Variants in SCN9A observed in about 807,000 individuals in gnomAD.
The protein encoded by SCN9A is sodium channel protein type 9 subunit alpha.
In SCN9A, 131 loss-of-function variants were observed where a neutral mutation model predicts 187.0. That is an observed-to-expected ratio of 0.70 (90% CI 0.61 to 0.81). The LOEUF is 0.81. SCN9A is among the 30% of genes least tolerant of loss of function. SCN9A has a pLI of 0.00. For synonymous variants in SCN9A, 809 were observed against 808.6 expected (o/e 1.00, Z -0.01); for missense variants, 2,252 against 2,396.6 (o/e 0.94, Z 1.26).
intron 7 of SCN9A, 134 bp from the exon 8 acceptor site, chr2:166,294,796 T>C: frequency 1.9e-6 from 1 of 514,034 alleles, no homozygotes; most frequent in Non-Finnish European, 3.5e-6. Flanking sequence ...CATCCATTTA[T>C]TTACTATTTT....
chr2:166,304,192 G>T, intron 6 of SCN9A, 46 bp downstream of exon 6: 1 of 1,607,504 alleles, frequency 6.2e-7, no homozygotes, highest in Non-Finnish European at 8.5e-7. Context: ...CTCCCAAATA[G>T]TTGGAGTTAT....
At chr2:166,240,775 C>T (rs1314711133) in intron 19 of SCN9A, among the ~76,000 whole-genome samples, 1 of 152,104 alleles carries the variant, frequency 6.6e-6, no homozygotes. Flanking sequence ...CCAGGCTCTG[C>T]CTGCTCCTTA....
In SCN9A at chr2:166,272,094, A is replaced by T. The variant is rs574589793; in HGVS notation, c.3351+305T>A. ...ATGAAAAGGAGAGGTGGATTCAAAC[A>T]GGCACTGTGGAGGGAGACTGTGTAA... On this transcript the variant is annotated intron_variant, in intron 17 of 26. Transcript: ENST00000642356. 1.2e-4 allele frequency among the ~76,000 whole-genome samples: 18 copies of T among 152,182 alleles called. No homozygotes were observed. In the East Asian group the frequency reaches 2.1e-3, roughly 18 times the overall value.
chr2:166,233,566 A>C, intron 20 of SCN9A, 104 bp from the exon 21 acceptor site: 2 of 838,680 alleles, frequency 2.4e-6, no homozygotes, highest in Non-Finnish European at 3.6e-6. Flanking sequence ...AGGAACAATA[A>C]GATGGTATAT....
intron 10 of SCN9A, among the ~76,000 whole-genome samples, chr2:166,288,120 T>TATATATATACACACACACAC (rs56738765): frequency 7.4e-6 from 1 of 135,562 alleles, no homozygotes; most frequent in Non-Finnish European, 1.6e-5. Flanking sequence ...TATATATATA[T>TATATATATACACACACACAC]ACACACACAT....
chr2:166,301,073 T>C (rs1382857646), intron 7 of SCN9A: 8 of 149,498 alleles, frequency 5.4e-5, no homozygotes, highest in Admixed American at 5.3e-4. Context: ...CCCGGCTAAT[T>C]TTTTGTATTT....
At chr2:166,220,220 C>T (rs181589267) in intron 24 of SCN9A, among the ~76,000 whole-genome samples, 1 of 152,028 alleles carries the variant, frequency 6.6e-6, no homozygotes, top group Non-Finnish European at 1.5e-5. Context: ...TTTCAACAAC[C>T]TTTCATGGTA....
intron 1 of SCN9A, among the ~76,000 whole-genome samples, chr2:166,359,979 T>C (rs1444724617): frequency 6.6e-6 from 1 of 151,730 alleles, no homozygotes; most frequent in Non-Finnish European, 1.5e-5. Flanking sequence ...CCCAGCACTT[T>C]GGGAAGCCGA....
Position 166,338,789 on chromosome 2 carries a change from T to C in SCN9A, c.-50-26983A>G, listed in dbSNP as rs188780390. Among the ~76,000 whole-genome samples the C allele has an allele frequency of 1.6e-3, 239 of 152,292 alleles. 2 individuals are homozygous for C. The highest frequency in any genetic ancestry group is 5.6e-3 in the African/African-American group (233 of 41,568). ...AATACAAATCAGTTATTTTGTAGAA[T>C]GCGTCTCAACTTGGGTTCACTGAAT... is the stretch of plus-strand genomic sequence containing the variant. On this transcript the variant is annotated intron_variant, in intron 1 of 26. Coordinates refer to ENST00000642356, the MANE Select transcript of SCN9A (RefSeq NM_001365536.1).
At chr2:166,296,977 C>A (rs1242650280) in intron 7 of SCN9A, among the ~76,000 whole-genome samples, 1 of 151,686 alleles carries the variant, frequency 6.6e-6, no homozygotes, top group Non-Finnish European at 1.5e-5. Context: ...GCGGGCAGAT[C>A]ACGAGGTCAG....
intron 1 of SCN9A, among the ~76,000 whole-genome samples, chr2:166,370,310 G>A (rs1574974722): frequency 1.3e-5 from 2 of 150,824 alleles, no homozygotes; most frequent in East Asian, 1.9e-4. Flanking sequence ...TTGGGAGGTC[G>A]AGGCGGGCGG....
chr2:166,258,952 T>C lies in SCN9A; in HGVS notation c.3352-7067A>G, dbSNP rs143307407. 3.3e-3 allele frequency among the ~76,000 whole-genome samples: 503 copies of C among 151,830 alleles called. 3 individuals are homozygous for C. The highest frequency in any genetic ancestry group is 5.2e-3 in the Non-Finnish European group (350 of 67,770). On this transcript the variant is annotated intron_variant, in intron 17 of 26. Coordinates refer to ENST00000642356, the MANE Select transcript of SCN9A (RefSeq NM_001365536.1). Reference sequence around the variant, plus strand: ...TGTTACATTCTGCATTTTACTTTTATAATCAATTCAATAAAAATCTACAGA... The same window carrying C: ...TGTTACATTCTGCATTTTACTTTTACAATCAATTCAATAAAAATCTACAGA...
intron 1 of SCN9A, among the ~76,000 whole-genome samples, chr2:166,368,870 C>T (rs948467303): frequency 6.6e-6 from 1 of 151,280 alleles, no homozygotes; most frequent in African/African-American, 2.4e-5. Flanking sequence ...GCCTGTAATC[C>T]CGGCTACTCG....
chr2:166,283,399 C>T (rs1348276019), intron 12 of SCN9A, among the ~76,000 whole-genome samples: 1 of 152,140 alleles, frequency 6.6e-6, no homozygotes, highest in African/African-American at 2.4e-5. Context: ...TGAAATACTA[C>T]ATTGTCTGCA....
At chr2:166,321,793 C>CTTT (rs142400656) in intron 1 of SCN9A, among the ~76,000 whole-genome samples, 2 of 118,794 alleles carry the variant, frequency 1.7e-5, no homozygotes, top group East Asian at 2.3e-4. Flanking sequence ...CTGGCAAAAT[C>CTTT]TTTTTTTTTT....
chr2:166,313,258 CAA>C (rs1279282569), intron 1 of SCN9A, among the ~76,000 whole-genome samples: 1 of 152,090 alleles, frequency 6.6e-6, no homozygotes, highest in East Asian at 1.9e-4. Flanking sequence ...TATCCCCTAA[CAA>C]GAGAGTCAGC....
chr2:166,233,292 A>C, intron 21 of SCN9A, 48 bp downstream of exon 21: 6 of 1,337,426 alleles, frequency 4.5e-6, no homozygotes, highest in Non-Finnish European at 6.0e-6. Flanking sequence ...TTTATATTTT[A>C]AACCCCATTA....
At chr2:166,287,873 T>C (rs2106490564) in intron 10 of SCN9A, among the ~76,000 whole-genome samples, 1 of 151,182 alleles carries the variant, frequency 6.6e-6, no homozygotes, top group South Asian at 2.1e-4. Context: ...ATCTGTTAAT[T>C]TTAACGTTAA....
intron 1 of SCN9A, among the ~76,000 whole-genome samples, chr2:166,370,235 A>AATAATCATCATCATC (rs1553507745): frequency 2.2e-5 from 3 of 137,178 alleles, no homozygotes; most frequent in African/African-American, 8.3e-5. Context: ...TAATAATAAT[A>AATAATCATCATCATC]ATCATCATCA....
Sources: allele counts gnomAD v4.1 joint callset (sites outside exome capture counted in the v4.1 genomes callset), GRCh38; gene constraint gnomAD v4.1.1; transcripts MANE v1.5; gene names NCBI Gene and HGNC (gene_info 2026-07-23, HGNC 2026-07-21).